Variants in EPS15 observed in about 807,000 individuals in gnomAD.
EPS15 encodes epidermal growth factor receptor pathway substrate 15.
EPS15 carries 72 observed loss-of-function variants against 113.8 expected under a neutral mutation model. The ratio of observed to expected loss-of-function variants is 0.63; its 90% confidence interval spans 0.52 to 0.77. The LOEUF (loss-of-function observed/expected upper bound fraction) is 0.77, where lower values mean the gene tolerates loss of function less well. Among genes scored for constraint, EPS15 ranks in the 30% least tolerant of loss-of-function variants. The probability of loss-of-function intolerance (pLI) is 0.00; values close to 1 mark genes in which losing one functional copy is unlikely to be tolerated. For synonymous variants in EPS15, 344 were observed against 363.4 expected (o/e 0.95, Z 0.61); for missense variants, 1,048 against 1,045.8 (o/e 1.00, Z -0.03).
At chr1:51,452,423 C>T (rs951514610) in intron 8 of EPS15, among the ~76,000 whole-genome samples, 2 of 152,152 alleles carry the variant, frequency 1.3e-5, no homozygotes, top group Non-Finnish European at 2.9e-5. Context: ...GCTGTGACTA[C>T]ATGCGTACGT....
chr1:51,356,973 C>CT (rs552126558), intron 24 of EPS15, 127 bp from the exon 25 acceptor site: 3,195 of 616,916 alleles, frequency 5.2e-3, no homozygotes, highest in South Asian at 8.2e-3. Flanking sequence ...CTTGTTAATT[C>CT]TTTTTTTTTT....
At chr1:51,422,166 T>TAGTGTC in intron 12 of EPS15, 1 of 562,584 alleles carries the variant, frequency 1.8e-6, no homozygotes, top group Non-Finnish European at 2.4e-6. Flanking sequence ...GCTATGGAAA[T>TAGTGTC]AGTGTCCAAT....
intron 8 of EPS15, among the ~76,000 whole-genome samples, chr1:51,453,517 T>C (rs1557484825): frequency 6.6e-6 from 1 of 152,052 alleles, no homozygotes; most frequent in Non-Finnish European, 1.5e-5. Context: ...ATCAAATGCA[T>C]TCACACACAC....
At chr1:51,464,278 C>T (rs1465872849) in intron 6 of EPS15, among the ~76,000 whole-genome samples, 3 of 146,548 alleles carry the variant, frequency 2.0e-5, no homozygotes, top group African/African-American at 5.1e-5. Flanking sequence ...CTTGCACTGT[C>T]GCCCAGGCTG....
intron 21 of EPS15, chr1:51,372,586 T>C: frequency 1.9e-6 from 1 of 521,440 alleles, no homozygotes; most frequent in Non-Finnish European, 3.9e-6. Context: ...TTGCCATCAA[T>C]GAACTCAAGA....
intron 12 of EPS15, among the ~76,000 whole-genome samples, chr1:51,431,794 T>A (rs1162164699): frequency 6.6e-6 from 1 of 152,096 alleles, no homozygotes; most frequent in East Asian, 1.9e-4. Flanking sequence ...ATTCTACTTA[T>A]CTGGCAGGAC....
intron 11 of EPS15, among the ~76,000 whole-genome samples, chr1:51,444,176 T>C (rs578200941): frequency 1.9e-4 from 29 of 152,284 alleles, no homozygotes; most frequent in Non-Finnish European, 4.0e-4. Context: ...TAAAGGCAAA[T>C]AGCCACTATG....
intron 18 of EPS15, among the ~76,000 whole-genome samples, chr1:51,401,794 G>T (rs527858611): frequency 6.6e-6 from 1 of 152,110 alleles, no homozygotes. Flanking sequence ...CCTTACATCA[G>T]GAGTTCAAGA....
intron 19 of EPS15, among the ~76,000 whole-genome samples, chr1:51,400,587 C>A (rs1269465401): frequency 6.6e-6 from 1 of 150,776 alleles, no homozygotes; most frequent in Non-Finnish European, 1.5e-5. Flanking sequence ...GACCTAGGTA[C>A]TCAGGAGGCT....
At chr1:51,447,167 T>C in intron 9 of EPS15, 62 bp from the exon 10 acceptor site, 1 of 1,405,840 alleles carries the variant, frequency 7.1e-7, no homozygotes, top group Non-Finnish European at 9.7e-7. Flanking sequence ...AGTGTCACTC[T>C]TTCAATCCAT....
rs186209252 is a variant in EPS15 at position 51,474,744 on chromosome 1, C to T, written c.76-1796G>A. ...ATGTGCACAACATGCAGGTTTGTTACATATGTATACATGTGCCATGCTGGT... is the reference window on the plus strand; with the variant it reads ...ATGTGCACAACATGCAGGTTTGTTATATATGTATACATGTGCCATGCTGGT... On this transcript the variant is annotated intron_variant, in intron 2 of 24. Coordinates refer to ENST00000371733, the MANE Select transcript of EPS15 (RefSeq NM_001981.3). Among the ~76,000 whole-genome samples, 544 of 152,006 alleles carry T rather than the reference C, an allele frequency of 3.6e-3. 2 individuals are homozygous for T. The highest frequency in any genetic ancestry group is 0.012 in the African/African-American group (501 of 41,438).
intron 21 of EPS15, among the ~76,000 whole-genome samples, chr1:51,377,324 G>C (rs1476505736): frequency 1.3e-5 from 2 of 152,168 alleles, no homozygotes; most frequent in African/African-American, 4.8e-5. Flanking sequence ...GCAATAGTAA[G>C]AGGACTTTGA....
intron 15 of EPS15, 138 bp from the exon 16 acceptor site, chr1:51,406,246 C>T (rs994792315): frequency 2.9e-6 from 2 of 687,076 alleles, no homozygotes; most frequent in Non-Finnish European, 4.9e-6. Context: ...GAAACTGAGG[C>T]AGGAGGACTG....
intron 21 of EPS15, among the ~76,000 whole-genome samples, chr1:51,376,662 A>AAAACAAAC (rs761426174): frequency 6.6e-6 from 1 of 152,032 alleles, no homozygotes; most frequent in African/African-American, 2.4e-5. Flanking sequence ...AGACTGTCTC[A>AAAACAAAC]AAACAAACAA....
chr1:51,461,131 A>G lies in EPS15; in HGVS notation c.521T>C (p.Ile174Thr), dbSNP rs749026326. The change falls in exon 8 of 25, where the codon ATT becomes ACT. Residue 174 changes from isoleucine (I) to threonine (T), a missense_variant. Physicochemically the swap from Ile to Thr is moderately conservative, Grantham distance 89. Coordinates refer to ENST00000371733, the MANE Select transcript of EPS15 (RefSeq NM_001981.3). The stretch of plus-strand genomic sequence containing the variant: ...TCTGTCAAGCATTCCATCATGGTCA[A>G]TATCACTCAACTCCCAAACCTTAAA... ...ILGRVWELSD[I>T]DHDGMLDRDE... 6.2e-6 allele frequency: 10 copies of G among 1,603,204 alleles called. No individual in the cohort carries two copies. The highest frequency in any genetic ancestry group is 3.3e-5 in the Admixed American group (2 of 59,980).
intron 12 of EPS15, among the ~76,000 whole-genome samples, chr1:51,427,555 G>C (rs1439048240): frequency 6.6e-6 from 1 of 152,192 alleles, no homozygotes; most frequent in Non-Finnish European, 1.5e-5. Context: ...TTGGAACACA[G>C]AGAATGGGAA....
At chr1:51,493,569 TAA>T (rs1644277688) in intron 1 of EPS15, among the ~76,000 whole-genome samples, 8 of 146,702 alleles carry the variant, frequency 5.5e-5, no homozygotes, top group Admixed American at 5.4e-4. Context: ...AATAAATAAA[TAA>T]ATAAATAAAA....
chr1:51,414,140 A>G (rs1334932559), intron 13 of EPS15, among the ~76,000 whole-genome samples: 2 of 152,124 alleles, frequency 1.3e-5, no homozygotes, highest in African/African-American at 4.8e-5. Flanking sequence ...GAGCCGGCAA[A>G]GTGGCTCATG....
intron 21 of EPS15, among the ~76,000 whole-genome samples, chr1:51,370,968 T>C (rs944835614): frequency 1.3e-5 from 2 of 151,998 alleles, no homozygotes; most frequent in South Asian, 2.1e-4. Context: ...CAGGCTGGAG[T>C]GCGGTCGTGC....
Sources: gnomAD v4.1 joint callset for allele counts (sites outside exome capture counted in the v4.1 genomes callset) on GRCh38, gnomAD v4.1.1 for gene constraint, MANE v1.5 for transcripts, NCBI Gene and HGNC (gene_info 2026-07-23, HGNC 2026-07-21) for gene names.